The following RNFT2 variants were observed in gnomAD, a reference collection of about 807,000 sequenced individuals.
The protein encoded by RNFT2 is ring finger protein, transmembrane 2, also known as E3 ubiquitin-protein ligase RNFT2.
In RNFT2, 36 loss-of-function variants were observed where a neutral mutation model predicts 53.0. The observed-to-expected ratio is 0.68, with a 90% CI of 0.52 to 0.90. RNFT2 has a LOEUF of 0.90. Ranked by LOEUF, RNFT2 falls within the 40% of genes least tolerant of loss-of-function variation. The pLI, the probability that RNFT2 is intolerant of heterozygous loss-of-function variation, is 0.00. For synonymous variants in RNFT2, 260 were observed against 253.2 expected, an observed-to-expected ratio of 1.03 and a Z score of -0.26; for missense variants, 514 against 585.6, an observed-to-expected ratio of 0.88 and a Z score of 1.26.
At chr12:116,836,803 A>C (rs994693332) in intron 10 of RNFT2, among the ~76,000 whole-genome samples, 1 of 151,790 alleles carries the variant, frequency 6.6e-6, no homozygotes, top group Non-Finnish European at 1.5e-5. Context: ...GGTGGCACAC[A>C]CCTCTAGTCC....
At chr12:116,746,349 A>G (rs1250968303) in intron 3 of RNFT2, among the ~76,000 whole-genome samples, 1 of 152,188 alleles carries the variant, frequency 6.6e-6, no homozygotes, top group African/African-American at 2.4e-5. Context: ...TGTCTTTTGC[A>G]AAAGCTCCCC....
chr12:116,741,833 TA>T (rs1324758586), intron 3 of RNFT2, among the ~76,000 whole-genome samples: 1 of 152,068 alleles, frequency 6.6e-6, no homozygotes, highest in Non-Finnish European at 1.5e-5. Context: ...AATTTTTTGG[TA>T]GAGACGGGGT....
At chr12:116,820,730 G>A (rs954069660) in intron 7 of RNFT2, among the ~76,000 whole-genome samples, 2 of 151,970 alleles carry the variant, frequency 1.3e-5, no homozygotes, top group African/African-American at 2.4e-5. Context: ...TTTAAATCCC[G>A]GCTCCACCAC....
intron 7 of RNFT2, among the ~76,000 whole-genome samples, chr12:116,789,041 A>AGAGT (rs1874077253): frequency 7.1e-6 from 1 of 141,104 alleles, no homozygotes. Flanking sequence ...AAATGGGAGG[A>AGAGT]GAGTAGATGG....
At chr12:116,837,063 T>C (rs1413216766) in intron 10 of RNFT2, among the ~76,000 whole-genome samples, 1 of 152,250 alleles carries the variant, frequency 6.6e-6, no homozygotes, top group Non-Finnish European at 1.5e-5. Flanking sequence ...CATTGTCATC[T>C]GTATAATTAT....
At chr12:116,804,328 A>G (rs943166533) in intron 7 of RNFT2, among the ~76,000 whole-genome samples, 1 of 152,190 alleles carries the variant, frequency 6.6e-6, no homozygotes, top group Non-Finnish European at 1.5e-5. Context: ...AGACCTACTG[A>G]TTCAGAAACT....
Position 116,743,239 on chromosome 12 carries a change from A to AAAAAAAAAAAAAAAAAAAAAAAT in RNFT2, c.83+2150_83+2151insAAAAAAAAAAAAAAAAATAAAAA, listed in dbSNP as rs1566066766. ...AAAAAAAAAAAAAAAAAAAAAAAAA[A>AAAAAAAAAAAAAAAAAAAAAAAT]AAAAACCGGTTAAAAAACACTCATG... On this transcript the variant is annotated intron_variant, in intron 3 of 10. Transcript: ENST00000257575. Among the ~76,000 whole-genome samples the AAAAAAAAAAAAAAAAAAAAAAAT allele has an allele frequency of 1.8e-5, 2 of 108,652 alleles. 1 individual carries two copies. 71.3% of individuals were successfully genotyped at this position (108,652 alleles called of 152,430 possible).
At chr12:116,793,683 A>T (rs1328247973) in intron 7 of RNFT2, among the ~76,000 whole-genome samples, 1 of 152,078 alleles carries the variant, frequency 6.6e-6, no homozygotes, top group African/African-American at 2.4e-5. Flanking sequence ...TGCTGGGAGC[A>T]GTTTTTTCCT....
intron 4 of RNFT2, 54 bp from the exon 5 acceptor site, chr12:116,753,930 G>A (rs1872372646): frequency 7.0e-7 from 1 of 1,434,708 alleles, no homozygotes; most frequent in South Asian, 1.1e-5. Context: ...TCAGCACCTG[G>A]GCTAGGCCTG....
At chr12:116,813,306 C>T (rs996903936) in intron 7 of RNFT2, among the ~76,000 whole-genome samples, 3 of 152,154 alleles carry the variant, frequency 2.0e-5, no homozygotes, top group Non-Finnish European at 2.9e-5. Context: ...CTTCCCAGCC[C>T]GACACCTCAG....
At chr12:116,791,821 T>A (rs569881940) in intron 7 of RNFT2, among the ~76,000 whole-genome samples, 4 of 152,220 alleles carry the variant, frequency 2.6e-5, no homozygotes, top group African/African-American at 9.6e-5. Flanking sequence ...TGTAATCCTA[T>A]GTTGAACCTT....
At chr12:116,754,954 A>G (rs1005326038) in intron 5 of RNFT2, among the ~76,000 whole-genome samples, 1 of 152,086 alleles carries the variant, frequency 6.6e-6, no homozygotes, top group Non-Finnish European at 1.5e-5. Context: ...TACTCTGCTG[A>G]CTGTTCCTTT....
chr12:116,784,294 G>C (rs902608840), intron 7 of RNFT2, among the ~76,000 whole-genome samples: 1 of 152,322 alleles, frequency 6.6e-6, no homozygotes, highest in East Asian at 1.9e-4. Context: ...GGCAGCATCC[G>C]CCGCACGTGT....
intron 10 of RNFT2, among the ~76,000 whole-genome samples, chr12:116,839,507 T>C (rs1235651209): frequency 6.7e-6 from 1 of 149,556 alleles, no homozygotes; most frequent in African/African-American, 2.5e-5. Context: ...GGTGGGTGAG[T>C]GAACGGTAGG....
At chr12:116,764,924 C>A (rs1872846203) in intron 5 of RNFT2, among the ~76,000 whole-genome samples, 1 of 152,078 alleles carries the variant, frequency 6.6e-6, no homozygotes, top group Non-Finnish European at 1.5e-5. Flanking sequence ...TAGGAGGCAG[C>A]TTTGGGGGCT....
chr12:116,784,888 C>T (rs771016543), intron 7 of RNFT2, among the ~76,000 whole-genome samples: 1 of 152,154 alleles, frequency 6.6e-6, no homozygotes, highest in Non-Finnish European at 1.5e-5. Flanking sequence ...GCCAGCGGAG[C>T]AGGACTCTAA....
intron 5 of RNFT2, among the ~76,000 whole-genome samples, chr12:116,756,335 G>C (rs956023256): frequency 1.3e-5 from 2 of 149,482 alleles, no homozygotes; most frequent in African/African-American, 4.9e-5. Flanking sequence ...TTTTTGTTTT[G>C]CAGCTATTGT....
intron 6 of RNFT2, among the ~76,000 whole-genome samples, chr12:116,770,711 C>T (rs1036770855): frequency 1.3e-5 from 2 of 151,958 alleles, no homozygotes; most frequent in Admixed American, 6.6e-5. Flanking sequence ...GCGCATGTTA[C>T]CATGCTCAGC....
intron 5 of RNFT2, chr12:116,755,713 A>C: frequency 6.7e-7 from 1 of 1,497,722 alleles, no homozygotes; most frequent in South Asian, 1.1e-5. Context: ...GGTAACACTT[A>C]CGGGGCATTC....
Sources: gnomAD v4.1 joint callset for allele counts (sites outside exome capture counted in the v4.1 genomes callset) on GRCh38, gnomAD v4.1.1 for gene constraint, MANE v1.5 for transcripts, NCBI Gene and HGNC (gene_info 2026-07-23, HGNC 2026-07-21) for gene names.